CEP192: variants seen among roughly 807,000 people sequenced by gnomAD.
The protein encoded by CEP192 is centrosomal protein 192.
A neutral mutation model predicts 271.8 loss-of-function variants in CEP192; 151 were observed. That is an observed-to-expected ratio of 0.56 (90% confidence interval 0.49 to 0.64). CEP192 has a LOEUF of 0.64. CEP192 is among the 30% of genes least tolerant of loss of function. The probability of loss-of-function intolerance (pLI) is 0.00; values close to 1 mark genes in which losing one functional copy is unlikely to be tolerated. For synonymous variants in CEP192, 995 were observed against 1,076.5 expected (o/e 0.92, Z 1.48); for missense variants, 2,910 against 3,020.5 (o/e 0.96, Z 0.86).
intron 32 of CEP192, chr18:13,088,852 T>G: frequency 2.3e-6 from 1 of 435,208 alleles, no homozygotes; most frequent in Non-Finnish European, 4.6e-6. Context: ...CTGGTTTTGT[T>G]TCTTAATTAT....
intron 29 of CEP192, 52 bp downstream of exon 29, chr18:13,072,897 C>T (rs1304282988): frequency 1.1e-5 from 17 of 1,528,498 alleles, no homozygotes; most frequent in Non-Finnish European, 1.5e-5. Flanking sequence ...GTCTGGAACA[C>T]TTGCATATGC....
chr18:13,100,713 T>C (rs2039665301), intron 38 of CEP192, among the ~76,000 whole-genome samples: 1 of 152,260 alleles, frequency 6.6e-6, no homozygotes, highest in Non-Finnish European at 1.5e-5. Flanking sequence ...TTACTAACTC[T>C]GTGTATTCCG....
At position 13,029,994 on chromosome 18, in the gene CEP192, A is replaced by G. The variant is rs527989767; in HGVS notation, c.1382A>G (p.Asn461Ser). ...TCECHESIEK[N>S]KDKTDLPQSV... ...GAATGTCACGAGTCCATCGAAAAGA[A>G]TAAAGACAGTAAGTGGACTTTTTAA... The change falls in exon 10 of 45, where the codon AAT (asparagine) becomes AGT (serine). Residue 461 changes from asparagine to serine, a missense_variant. Asn to Ser is a conservative substitution (Grantham distance 46, BLOSUM62 1). Transcript: ENST00000506447. The G allele has an allele frequency of 5.2e-6, 8 of 1,544,300 alleles. No homozygotes were observed. Among genetic ancestry groups the G allele is most frequent in the African/African-American group, 2.7e-5 (2 of 72,978 alleles).
intron 26 of CEP192, 124 bp downstream of exon 26, chr18:13,069,305 T>C: frequency 1.3e-6 from 1 of 757,002 alleles, no homozygotes; most frequent in Non-Finnish European, 2.2e-6. Flanking sequence ...GATGAAAGAA[T>C]CGCTGAGAGT....
chr18:13,081,440 T>C (rs2038601383), intron 30 of CEP192, among the ~76,000 whole-genome samples: 1 of 152,222 alleles, frequency 6.6e-6, no homozygotes. Context: ...TTTATATTAT[T>C]CTCTGATGGT....
chr18:13,086,949 C>G (rs549841748), intron 30 of CEP192, 68 bp from the exon 31 acceptor site: 1 of 1,091,818 alleles, frequency 9.2e-7, no homozygotes, highest in East Asian at 2.4e-5. Flanking sequence ...ATTTTCTTCT[C>G]ACTGTAATTC....
In CEP192 at chr18:13,100,498, C is replaced by T. The variant is rs770165789; in HGVS notation, c.6857C>T (p.Pro2286Leu). ...AGTATTACTTTTCCTACAACAGAAC[C>T]TGGTGAAACTTCAGGTATTGTATCA... ...NKSITFPTTEPGETSESCLEL... is the reference protein window; with the variant it reads ...NKSITFPTTELGETSESCLEL... Residue 2286 changes from proline to leucine, a missense_variant, in exon 38 of 45, where the codon CCT (proline) becomes CTT (leucine). Physicochemically the swap from Pro to Leu is moderately conservative, Grantham distance 98. Coordinates refer to ENST00000506447, the MANE Select transcript of CEP192 (RefSeq NM_032142.4). The T allele has an allele frequency of 8.1e-6, 13 of 1,611,646 alleles. No homozygotes were observed. Among genetic ancestry groups the T allele is most frequent in the Admixed American group, 1.7e-5 (1 of 60,022 alleles).
At chr18:13,041,512 A>G (rs771416720) in intron 14 of CEP192, among the ~76,000 whole-genome samples, 29 of 150,740 alleles carry the variant, frequency 1.9e-4, no homozygotes, top group African/African-American at 3.7e-4. Flanking sequence ...GAGTCAGCTC[A>G]TTTTCCATTT....
intron 36 of CEP192, among the ~76,000 whole-genome samples, chr18:13,097,463 T>A (rs933166673): frequency 3.9e-5 from 6 of 152,156 alleles, no homozygotes; most frequent in African/African-American, 1.4e-4. Context: ...ACCCTTTTTT[T>A]TCCAGTTTCC....
Position 13,036,947 on chromosome 18 carries a change from A to C in CEP192, c.1535-290A>C, listed in dbSNP as rs113525935. On this transcript the variant is annotated intron_variant, in intron 11 of 44. Transcript: ENST00000506447. The stretch of plus-strand genomic sequence containing the variant: ...TGAGTGCCTCAATGCAAGAGTGCCA[A>C]ACTCTCCAAAGCAAACATTAATTTT... Among the ~76,000 whole-genome samples, 1,216 of 152,342 alleles carry C rather than the reference A, an allele frequency of 8.0e-3. 23 individuals are homozygous for C. The highest frequency in any genetic ancestry group is 0.023 in the African/African-American group (937 of 41,582).
At chr18:13,078,683 G>C (rs1382041411) in intron 30 of CEP192, among the ~76,000 whole-genome samples, 2 of 152,010 alleles carry the variant, frequency 1.3e-5, no homozygotes, top group East Asian at 3.9e-4. Flanking sequence ...TGTTCACAAC[G>C]TGCAGGTTTG....
intron 35 of CEP192, 82 bp downstream of exon 35, chr18:13,095,763 GAC>G (rs1172632694): frequency 8.4e-7 from 1 of 1,195,174 alleles, no homozygotes; most frequent in African/African-American, 1.5e-5. Flanking sequence ...GCCTATCCAA[GAC>G]ACACATGGGC....
chr18:12,997,470 G>GA (rs1345944322), intron 1 of CEP192, among the ~76,000 whole-genome samples: 1 of 152,072 alleles, frequency 6.6e-6, no homozygotes, highest in Non-Finnish European at 1.5e-5. Flanking sequence ...ACTTTCCAAG[G>GA]AAAAAATGTG....
chr18:13,021,970 T>C (rs1568293456), intron 9 of CEP192, among the ~76,000 whole-genome samples: 1 of 152,232 alleles, frequency 6.6e-6, no homozygotes, highest in Non-Finnish European at 1.5e-5. Flanking sequence ...TAGATTTTTC[T>C]CCATTGTTAT....
chr18:13,031,243 G>GTTTTTTTTTT (rs60557979), intron 11 of CEP192, among the ~76,000 whole-genome samples: 1 of 101,654 alleles, frequency 9.8e-6, no homozygotes, highest in Non-Finnish European at 1.9e-5. Context: ...CCTTATTGTT[G>GTTTTTTTTTT]TTTTTTTTTT....
chr18:13,004,846 T>C (rs1412514384), intron 3 of CEP192, among the ~76,000 whole-genome samples: 1 of 152,074 alleles, frequency 6.6e-6, no homozygotes, highest in African/African-American at 2.4e-5. Flanking sequence ...AGAATTGGAT[T>C]TAACCAGGGT....
intron 40 of CEP192, among the ~76,000 whole-genome samples, chr18:13,110,350 CAG>C (rs1027600261): frequency 6.6e-6 from 1 of 151,940 alleles, no homozygotes; most frequent in Non-Finnish European, 1.5e-5. Context: ...TTACACAAAA[CAG>C]TGTGGTATTG....
intron 6 of CEP192, among the ~76,000 whole-genome samples, chr18:13,016,693 C>A (rs1479993692): frequency 2.6e-5 from 4 of 152,158 alleles, no homozygotes; most frequent in African/African-American, 9.7e-5. Flanking sequence ...ACTTAGAAGA[C>A]CATGACTGAC....
rs2039357681 is a variant in CEP192 at position 13,095,613 on chromosome 18, A to G, written c.6365A>G (p.Asp2122Gly). 1.2e-6 allele frequency: 2 copies of G among 1,614,062 alleles called. No homozygotes were observed. Among genetic ancestry groups the G allele is most frequent in the South Asian group, 2.2e-5 (2 of 91,086 alleles). The change falls in exon 35 of 45, where the codon GAT (aspartate) becomes GGT (glycine). Residue 2122 changes from aspartate (D) to glycine (G), a missense_variant. Transcript: ENST00000506447. Reference protein sequence around the residue: ...LLSRAARPPLDQLASEEPWTV... With the variant: ...LLSRAARPPLGQLASEEPWTV... Reference sequence around the variant, plus strand: ...TCACGGGCGGCTCGCCCGCCTCTGGATCAGCTGGCCTCCGAAGAGCCGTGG... The same window carrying G: ...TCACGGGCGGCTCGCCCGCCTCTGGGTCAGCTGGCCTCCGAAGAGCCGTGG...
Sources: gnomAD v4.1 joint callset for allele counts (sites outside exome capture counted in the v4.1 genomes callset) on GRCh38, gnomAD v4.1.1 for gene constraint, MANE v1.5 for transcripts, NCBI Gene and HGNC (gene_info 2026-07-23, HGNC 2026-07-21) for gene names.